PPM1E: variants seen among roughly 807,000 people sequenced by gnomAD.
PPM1E encodes the protein protein phosphatase 1E.
In PPM1E, 20 loss-of-function variants were observed where a neutral mutation model predicts 65.9. The observed-to-expected ratio is 0.30, with a 90% confidence interval of 0.21 to 0.44. PPM1E has a LOEUF of 0.44. Ranked by LOEUF, PPM1E falls within the 20% of genes least tolerant of loss-of-function variation. The pLI is 1.00. For missense variants in PPM1E, 713 were observed against 953.1 expected (o/e 0.75, Z 3.32); for synonymous variants, 352 against 374.9 (o/e 0.94, Z 0.70).
intron 1 of PPM1E, among the ~76,000 whole-genome samples, chr17:58,805,980 A>ACAAAAC (rs1465963368): frequency 2.8e-5 from 3 of 107,932 alleles, no homozygotes; most frequent in African/African-American, 8.3e-5. Context: ...AAAACAAAAA[A>ACAAAAC]AAAACAAAAC....
intron 1 of PPM1E, among the ~76,000 whole-genome samples, chr17:58,801,891 G>T (rs760838887): frequency 2.0e-5 from 3 of 151,990 alleles, no homozygotes; most frequent in Non-Finnish European, 4.4e-5. Flanking sequence ...TGAGTAACTG[G>T]GATTACAGGC....
chr17:58,790,591 G>T (rs775211335), intron 1 of PPM1E, among the ~76,000 whole-genome samples: 2 of 152,146 alleles, frequency 1.3e-5, no homozygotes, highest in African/African-American at 4.8e-5. Context: ...AGGCTGTAAA[G>T]CTTGTGTCTG....
chr17:58,900,433 C>T (rs768682325), intron 1 of PPM1E, among the ~76,000 whole-genome samples: 8 of 152,220 alleles, frequency 5.3e-5, no homozygotes, highest in African/African-American at 1.9e-4. Context: ...AAGCTTATCA[C>T]GCTCTGAAGG....
At chr17:58,795,175 A>G (rs2050194517) in intron 1 of PPM1E, among the ~76,000 whole-genome samples, 1 of 152,130 alleles carries the variant, frequency 6.6e-6, no homozygotes, top group African/African-American at 2.4e-5. Context: ...TACAGGCATG[A>G]TCCACCACGC....
At chr17:58,970,707 A>C (rs2030549291) in intron 4 of PPM1E, among the ~76,000 whole-genome samples, 1 of 152,152 alleles carries the variant, frequency 6.6e-6, no homozygotes, top group Non-Finnish European at 1.5e-5. Flanking sequence ...CAAATCCAAC[A>C]GTAACCAGTA....
At chr17:58,931,783 T>A (rs1041534234) in intron 1 of PPM1E, among the ~76,000 whole-genome samples, 1 of 152,158 alleles carries the variant, frequency 6.6e-6, no homozygotes, top group African/African-American at 2.4e-5. Flanking sequence ...GCAACAGATG[T>A]TTTTGAACAT....
intron 2 of PPM1E, among the ~76,000 whole-genome samples, chr17:58,962,180 A>G (rs1199553690): frequency 6.6e-6 from 1 of 151,536 alleles, no homozygotes; most frequent in Non-Finnish European, 1.5e-5. Flanking sequence ...GCTACTCGGG[A>G]GGCTGAGGCA....
intron 1 of PPM1E, among the ~76,000 whole-genome samples, chr17:58,825,172 A>G (rs2143152047): frequency 6.6e-6 from 1 of 151,828 alleles, no homozygotes; most frequent in African/African-American, 2.4e-5. Context: ...AACTTACAGA[A>G]AACTAAAATA....
At chr17:58,953,161 T>C (rs1488025381) in intron 1 of PPM1E, among the ~76,000 whole-genome samples, 2 of 152,268 alleles carry the variant, frequency 1.3e-5, no homozygotes, top group Non-Finnish European at 2.9e-5. Flanking sequence ...ATCACTGATC[T>C]AGAGCAATTC....
chr17:58,837,019 CAAAAAAAAAAA>C (rs761954197), intron 1 of PPM1E, among the ~76,000 whole-genome samples: 1 of 39,074 alleles, frequency 2.6e-5, no homozygotes, highest in African/African-American at 1.0e-4. Context: ...AACTCCGTCT[CAAAAAAAAAAA>C]AAAAAAAAAG....
intron 3 of PPM1E, 150 bp from the exon 4 acceptor site, chr17:58,969,389 C>A (rs138459505): frequency 7.7e-6 from 6 of 779,672 alleles, no homozygotes; most frequent in Non-Finnish European, 1.3e-5. Context: ...GTTGATCAGG[C>A]ATGTTAGAGA....
At chr17:58,811,679 C>T (rs901758895) in intron 1 of PPM1E, among the ~76,000 whole-genome samples, 2 of 148,394 alleles carry the variant, frequency 1.3e-5, no homozygotes, top group South Asian at 4.3e-4. Flanking sequence ...TGCTGTTTTT[C>T]TTTTTTTTTT....
intron 4 of PPM1E, 93 bp downstream of exon 4, chr17:58,969,820 C>A: frequency 8.4e-7 from 1 of 1,194,466 alleles, no homozygotes; most frequent in Non-Finnish European, 1.2e-6. Flanking sequence ...TTTTCTCTTT[C>A]TGGGCAGACA....
chr17:58,887,914 T>C (rs1346994810), intron 1 of PPM1E, among the ~76,000 whole-genome samples: 1 of 152,188 alleles, frequency 6.6e-6, no homozygotes, highest in Non-Finnish European at 1.5e-5. Context: ...GGAAGTAGTC[T>C]TGAGGCAGTA....
chr17:58,846,394 A>G (rs1002044165), intron 1 of PPM1E, among the ~76,000 whole-genome samples: 3 of 152,060 alleles, frequency 2.0e-5, no homozygotes, highest in Non-Finnish European at 2.9e-5. Flanking sequence ...AGCATTAGGT[A>G]TATCTCCTAA....
chr17:58,936,404 G>T (rs2051980861), intron 1 of PPM1E, among the ~76,000 whole-genome samples: 1 of 152,108 alleles, frequency 6.6e-6, no homozygotes, highest in Admixed American at 6.6e-5. Flanking sequence ...ATCATAATAT[G>T]TGGGCTGAGA....
intron 6 of PPM1E, among the ~76,000 whole-genome samples, chr17:58,975,533 AC>A (rs767472270): frequency 6.6e-6 from 1 of 152,212 alleles, no homozygotes; most frequent in Non-Finnish European, 1.5e-5. Context: ...ACATAGAGTG[AC>A]TTTTGAGTTG....
chr17:58,775,683 G>A (rs2049986473), intron 1 of PPM1E, among the ~76,000 whole-genome samples: 1 of 151,740 alleles, frequency 6.6e-6, no homozygotes, highest in Non-Finnish European at 1.5e-5. Flanking sequence ...GGGAGGCCGA[G>A]GCGGGTGGAT....
intron 2 of PPM1E, among the ~76,000 whole-genome samples, chr17:58,964,113 AC>A (rs2030136418): frequency 6.6e-6 from 1 of 152,220 alleles, no homozygotes; most frequent in South Asian, 2.1e-4. Flanking sequence ...CTGTTCTAGA[AC>A]ATATAGTCTC....
Sources: allele counts gnomAD v4.1 joint callset (sites outside exome capture counted in the v4.1 genomes callset), GRCh38; gene constraint gnomAD v4.1.1; transcripts MANE v1.5; gene names NCBI Gene and HGNC (gene_info 2026-07-23, HGNC 2026-07-21).